Variants in CDH13 observed in about 807,000 individuals in gnomAD.
CDH13 encodes the protein cadherin 13, also known as cadherin-13.
In CDH13, 24 loss-of-function variants were observed where a neutral mutation model predicts 63.8. That is an observed-to-expected ratio of 0.38 (90% CI 0.27 to 0.53). The LOEUF (loss-of-function observed/expected upper bound fraction) is 0.53, where lower values mean the gene tolerates loss of function less well. Ranked by LOEUF, CDH13 falls within the 20% of genes least tolerant of loss-of-function variation. The pLI is 0.85. For synonymous variants in CDH13, 503 were observed against 355.3 expected (o/e 1.42, Z -4.67); for missense variants, 1,049 against 903.1 (o/e 1.16, Z -2.07).
At position 83,668,617 on chromosome 16, in the gene CDH13, G is replaced by A. The variant is rs114374072; in HGVS notation, c.1102-2173G>A. Among the ~76,000 whole-genome samples the A allele has an allele frequency of 3.0e-3, 461 of 152,284 alleles. 3 individuals carry two copies. Among genetic ancestry groups the A allele is most frequent in the African/African-American group, 0.01 (433 of 41,552 alleles). On this transcript the variant is annotated intron_variant, in intron 8 of 13. Transcript: ENST00000567109. ...AGAACCAGTCCTTTGGCTCTGGACC[G>A]CAGCAAGAGGGTGAAGGAAGGACTG...
intron 2 of CDH13, among the ~76,000 whole-genome samples, chr16:82,936,155 C>G (rs1428646563): frequency 6.6e-6 from 1 of 152,180 alleles, no homozygotes; most frequent in Non-Finnish European, 1.5e-5. Flanking sequence ...TTGAACATGT[C>G]TAGTCCTTAG....
At chr16:83,519,466 G>A (rs960747586) in intron 7 of CDH13, among the ~76,000 whole-genome samples, 13 of 152,130 alleles carry the variant, frequency 8.5e-5, no homozygotes, top group South Asian at 2.1e-4. Flanking sequence ...ATTTCATATC[G>A]CACTTCTACA....
chr16:83,715,695 C>G (rs1205614944), intron 10 of CDH13, among the ~76,000 whole-genome samples: 4 of 152,180 alleles, frequency 2.6e-5, no homozygotes. Context: ...GGTGGACAGT[C>G]TGATGCTCGG....
chr16:83,220,037 G>A (rs758884240), intron 5 of CDH13, among the ~76,000 whole-genome samples: 3 of 152,200 alleles, frequency 2.0e-5, no homozygotes, highest in Non-Finnish European at 4.4e-5. Context: ...TCTTACACAA[G>A]TACTTGGGTT....
chr16:82,809,673 G>A (rs925892508), intron 1 of CDH13, among the ~76,000 whole-genome samples: 4 of 152,076 alleles, frequency 2.6e-5, no homozygotes, highest in Non-Finnish European at 5.9e-5. Context: ...GTATTAAAGT[G>A]ATGGGATTTA....
At chr16:83,058,361 G>A (rs1026123183) in intron 3 of CDH13, among the ~76,000 whole-genome samples, 3 of 152,184 alleles carry the variant, frequency 2.0e-5, no homozygotes, top group South Asian at 2.1e-4. Context: ...TGTGCCGCTG[G>A]CCAATTCTTC....
intron 3 of CDH13, among the ~76,000 whole-genome samples, chr16:83,114,692 C>G (rs1319718347): frequency 6.6e-6 from 1 of 152,172 alleles, no homozygotes; most frequent in Admixed American, 6.5e-5. Context: ...TGTATCTTGC[C>G]TCTCCAACCT....
intron 1 of CDH13, among the ~76,000 whole-genome samples, chr16:82,691,089 A>C (rs1239770235): frequency 2.0e-5 from 3 of 152,240 alleles, no homozygotes. Flanking sequence ...TTTATTGGGC[A>C]TCTATGGTGT....
intron 4 of CDH13, among the ~76,000 whole-genome samples, chr16:83,135,733 A>G (rs1664542866): frequency 6.6e-6 from 1 of 152,262 alleles, no homozygotes; most frequent in Admixed American, 6.5e-5. Context: ...ACACACGTTT[A>G]TAGCAGCACA....
chr16:83,431,908 T>C (rs915294626), intron 6 of CDH13, among the ~76,000 whole-genome samples: 1 of 152,130 alleles, frequency 6.6e-6, no homozygotes, highest in African/African-American at 2.4e-5. Context: ...TTACGTGAAC[T>C]TGGAATTTTT....
chr16:83,548,837 C>A (rs12600064), intron 7 of CDH13, among the ~76,000 whole-genome samples: 46,452 of 152,042 alleles, frequency 0.31, 8,116 homozygotes, highest in East Asian at 0.42. Flanking sequence ...AGAGGAGAAA[C>A]CTATGATCCT....
intron 7 of CDH13, among the ~76,000 whole-genome samples, chr16:83,523,641 C>A (rs1254459928): frequency 6.6e-6 from 1 of 152,190 alleles, no homozygotes; most frequent in Admixed American, 6.5e-5. Context: ...TCATGGTAGA[C>A]CCTTGATGTC....
chr16:83,715,415 T>A (rs1008400691), intron 10 of CDH13, among the ~76,000 whole-genome samples: 1 of 152,208 alleles, frequency 6.6e-6, no homozygotes, highest in Admixed American at 6.5e-5. Context: ...GTTGTTTGTT[T>A]TAGCATTTTC....
intron 6 of CDH13, among the ~76,000 whole-genome samples, chr16:83,419,768 A>G (rs1400701369): frequency 1.3e-5 from 2 of 152,244 alleles, no homozygotes; most frequent in Non-Finnish European, 2.9e-5. Flanking sequence ...TATATATTAT[A>G]AAATGCATTT....
chr16:83,232,472 C>G (rs1371400500), intron 5 of CDH13, among the ~76,000 whole-genome samples: 1 of 150,950 alleles, frequency 6.6e-6, no homozygotes, highest in African/African-American at 2.5e-5. Flanking sequence ...TTGCAGTGAG[C>G]CAAGATTGCG....
intron 5 of CDH13, among the ~76,000 whole-genome samples, chr16:83,326,958 C>T (rs913975543): frequency 6.6e-6 from 1 of 152,170 alleles, no homozygotes; most frequent in Non-Finnish European, 1.5e-5. Context: ...GAATGCATCT[C>T]ATCCGGCCAC....
intron 10 of CDH13, 52 bp from the exon 11 acceptor site, chr16:83,748,056 T>A (rs1295563455): frequency 1.2e-6 from 2 of 1,605,972 alleles, no homozygotes; most frequent in African/African-American, 2.7e-5. Flanking sequence ...CTGTAAATGT[T>A]TCTTGAATCT....
intron 2 of CDH13, among the ~76,000 whole-genome samples, chr16:82,986,549 A>G (rs1247857918): frequency 6.6e-6 from 1 of 152,186 alleles, no homozygotes; most frequent in African/African-American, 2.4e-5. Context: ...GTTATCTGGA[A>G]TGTGGCTGCT....
intron 3 of CDH13, among the ~76,000 whole-genome samples, chr16:83,066,727 C>A (rs760007357): frequency 6.6e-6 from 1 of 152,176 alleles, no homozygotes; most frequent in Non-Finnish European, 1.5e-5. Context: ...GGTGTGAAGT[C>A]AGTCTTTTAA....
Sources: allele counts gnomAD v4.1 joint callset (sites outside exome capture counted in the v4.1 genomes callset), GRCh38; gene constraint gnomAD v4.1.1; transcripts MANE v1.5; gene names NCBI Gene and HGNC (gene_info 2026-07-23, HGNC 2026-07-21).